ATXN7: variants seen among roughly 807,000 people sequenced by gnomAD.
ATXN7 encodes the protein ataxin 7.
Under a neutral mutation model 70.5 loss-of-function variants are expected in ATXN7, and 12 were observed. The observed-to-expected ratio is 0.17, with a 90% confidence interval of 0.11 to 0.28. ATXN7 has a LOEUF of 0.28. ATXN7 is among the 10% of genes least tolerant of loss of function. The pLI is 1.00. For missense variants in ATXN7, 1,256 were observed against 1,131.7 expected, an observed-to-expected ratio of 1.11 and a Z score of -1.58; for synonymous variants, 498 against 448.7, an observed-to-expected ratio of 1.11 and a Z score of -1.39.
chr3:63,880,600 G>A (rs1300867866), intron 1 of ATXN7, among the ~76,000 whole-genome samples: 14 of 152,278 alleles, frequency 9.2e-5, no homozygotes, highest in Admixed American at 8.5e-4. Flanking sequence ...TGAACTTGCT[G>A]TTCTTCCTCA....
At chr3:63,899,377 C>T (rs1217775957) in intron 2 of ATXN7, among the ~76,000 whole-genome samples, 1 of 152,012 alleles carries the variant, frequency 6.6e-6, no homozygotes, top group Non-Finnish European at 1.5e-5. Context: ...AATGTTGTTT[C>T]TCACTGCATG....
chr3:63,943,581 T>C (rs2074807143), intron 4 of ATXN7, among the ~76,000 whole-genome samples: 1 of 152,172 alleles, frequency 6.6e-6, no homozygotes, highest in Non-Finnish European at 1.5e-5. Context: ...CTCCTAGTAG[T>C]CTGTGAGGTA....
At chr3:63,902,300 C>T (rs1703673001) in intron 2 of ATXN7, 1 of 152,058 alleles carries the variant, frequency 6.6e-6, no homozygotes, top group Non-Finnish European at 1.5e-5. Context: ...GTCTCAGCTA[C>T]TTGGGAGCTG....
chr3:63,926,180 T>C (rs1425159807), intron 4 of ATXN7, among the ~76,000 whole-genome samples: 1 of 152,246 alleles, frequency 6.6e-6, no homozygotes, highest in African/African-American at 2.4e-5. Flanking sequence ...CACATATTTA[T>C]TGAGCATCTA....
At chr3:63,945,975 G>A (rs1220533253) in intron 4 of ATXN7, among the ~76,000 whole-genome samples, 1 of 152,190 alleles carries the variant, frequency 6.6e-6, no homozygotes, top group African/African-American at 2.4e-5. Flanking sequence ...GAGAGGCAGG[G>A]CCAAGCTGTT....
At chr3:63,972,259 G>A (rs935018120) in intron 5 of ATXN7, among the ~76,000 whole-genome samples, 1 of 152,182 alleles carries the variant, frequency 6.6e-6, no homozygotes, top group African/African-American at 2.4e-5. Flanking sequence ...GCCAAAGACT[G>A]TGTGCATGTT....
intron 4 of ATXN7, among the ~76,000 whole-genome samples, chr3:63,937,470 A>C (rs1270015339): frequency 1.3e-5 from 2 of 152,200 alleles, no homozygotes; most frequent in Non-Finnish European, 2.9e-5. Context: ...TGTACACCAT[A>C]GTTTGGGGTA....
intron 5 of ATXN7, among the ~76,000 whole-genome samples, chr3:63,979,371 T>C (rs1038885361): frequency 2.6e-5 from 4 of 152,208 alleles, no homozygotes; most frequent in Admixed American, 6.5e-5. Flanking sequence ...CACAGATTCT[T>C]AGGGAACGAT....
intron 9 of ATXN7, among the ~76,000 whole-genome samples, chr3:63,988,946 G>A (rs1431495733): frequency 6.6e-6 from 1 of 152,200 alleles, no homozygotes; most frequent in African/African-American, 2.4e-5. Flanking sequence ...GTTTCCAGAG[G>A]GAAGGGAAAG....
At chr3:63,933,769 T>A (rs982089261) in intron 4 of ATXN7, among the ~76,000 whole-genome samples, 11 of 152,294 alleles carry the variant, frequency 7.2e-5, no homozygotes, top group African/African-American at 2.6e-4. Flanking sequence ...GGTATTGAAA[T>A]AAACCTGTGC....
At position 63,997,817 on chromosome 3, in the gene ATXN7, T is replaced by C. The variant is rs2075784352; in HGVS notation, c.2661+1334T>C. The C allele has an allele frequency of 1.4e-5, 20 of 1,457,224 alleles. No individual in the cohort carries two copies. The South Asian group carries it at 2.8e-4, about 20-fold the overall frequency. 90.3% of individuals were successfully genotyped at this position (1,457,224 alleles called of 1,614,324 possible). A position where few individuals can be genotyped will look rare whatever the true frequency, so the allele number is the denominator to read the frequency against. ...AGTATTTTCGTAGTGTGATATAATT[T>C]TCCTCTAATATTTGGGTGAATTAAC... On this transcript the variant is annotated intron_variant, in intron 12 of 12. Transcript: ENST00000674280.
chr3:63,999,438 CT>C lies in ATXN7; in HGVS notation c.2662-6del, dbSNP rs760719612. ...CCATTTCATTATTTCCCCACCCCCT[CT>C]TTTTTGAAAGCCAAAGGCACGTCCC... On this transcript the variant is annotated splice_polypyrimidine_tract_variant and intron_variant, in intron 12 of 12. Coordinates refer to ENST00000674280, the MANE Select transcript of ATXN7 (RefSeq NM_001377405.1). 5 of 1,611,000 alleles carry C rather than the reference CT, an allele frequency of 3.1e-6. No homozygotes were observed. The African/African-American group carries it at 5.3e-5, about 17-fold the overall frequency.
chr3:63,955,101 T>C (rs1320803203), intron 5 of ATXN7, among the ~76,000 whole-genome samples: 3 of 152,216 alleles, frequency 2.0e-5, no homozygotes, highest in African/African-American at 7.2e-5. Context: ...ACTTGTTGAA[T>C]GACAAAGCGT....
chr3:63,945,084 A>C (rs1042542967), intron 4 of ATXN7, among the ~76,000 whole-genome samples: 3 of 152,120 alleles, frequency 2.0e-5, no homozygotes, highest in Non-Finnish European at 4.4e-5. Flanking sequence ...GAGCCACCGC[A>C]CCCAACCTGT....
At chr3:63,928,067 A>T (rs1232675891) in intron 4 of ATXN7, among the ~76,000 whole-genome samples, 1 of 152,316 alleles carries the variant, frequency 6.6e-6, no homozygotes, top group Non-Finnish European at 1.5e-5. Flanking sequence ...TTTTTTATTC[A>T]TCAGTGCTGG....
At chr3:63,986,301 T>G (rs2075577151) in intron 8 of ATXN7, among the ~76,000 whole-genome samples, 1 of 152,210 alleles carries the variant, frequency 6.6e-6, no homozygotes. Context: ...CAGTCAGTCT[T>G]TATCCTGTGA....
chr3:63,909,620 A>C (rs1280901975), intron 2 of ATXN7, among the ~76,000 whole-genome samples: 1 of 152,218 alleles, frequency 6.6e-6, no homozygotes, highest in African/African-American at 2.4e-5. Context: ...TTCAGATATC[A>C]GATGCAGTGT....
chr3:63,879,662 T>A (rs1036959378), intron 1 of ATXN7, among the ~76,000 whole-genome samples: 2 of 151,934 alleles, frequency 1.3e-5, no homozygotes, highest in African/African-American at 2.4e-5. Context: ...CAGCTAATGT[T>A]TGTATTTTTA....
intron 11 of ATXN7, among the ~76,000 whole-genome samples, chr3:63,992,540 A>G (rs2075688880): frequency 6.6e-6 from 1 of 152,188 alleles, no homozygotes; most frequent in Middle Eastern, 3.2e-3. Flanking sequence ...TGAATGTTTT[A>G]TCCACATTAT....
Sources: gnomAD v4.1 joint callset for allele counts (sites outside exome capture counted in the v4.1 genomes callset) on GRCh38, gnomAD v4.1.1 for gene constraint, MANE v1.5 for transcripts, NCBI Gene and HGNC (gene_info 2026-07-23, HGNC 2026-07-21) for gene names.